ATP9A: variants seen among roughly 807,000 people sequenced by gnomAD.
ATP9A encodes ATPase phospholipid transporting 9A.
A neutral mutation model predicts 144.1 loss-of-function variants in ATP9A; 52 were observed. The observed-to-expected ratio is 0.36, with a 90% CI of 0.29 to 0.45. The LOEUF (loss-of-function observed/expected upper bound fraction) is 0.45, where lower values mean the gene tolerates loss of function less well. Among genes scored for constraint, ATP9A ranks in the 20% least tolerant of loss-of-function variants. ATP9A has a pLI of 1.00. For synonymous variants in ATP9A, 582 were observed against 557.4 expected (o/e 1.04, Z -0.62); for missense variants, 947 against 1,392.7 (o/e 0.68, Z 5.09).
chr20:51,703,880 A>T (rs528708821), intron 4 of ATP9A, among the ~76,000 whole-genome samples: 14 of 151,776 alleles, frequency 9.2e-5, no homozygotes, highest in Non-Finnish European at 7.4e-5. Context: ...TCTAACAACA[A>T]TCTCCATGCA....
chr20:51,750,943 T>C (rs1246862294), intron 1 of ATP9A, among the ~76,000 whole-genome samples: 1 of 152,168 alleles, frequency 6.6e-6, no homozygotes, highest in African/African-American at 2.4e-5. Context: ...CTGGCACTGC[T>C]ATGGGAGCGT....
In ATP9A at chr20:51,688,090, C is replaced by T. The variant is rs191358833; in HGVS notation, c.799+974G>A. Reference sequence around the variant, plus strand: ...GAGCAAGTTACTTAACCTCACTCAGCCTCCGTTCCGTCATCTGCAGAATGA... The same window carrying T: ...GAGCAAGTTACTTAACCTCACTCAGTCTCCGTTCCGTCATCTGCAGAATGA... On this transcript the variant is annotated intron_variant, in intron 9 of 27. Coordinates refer to ENST00000338821, the MANE Select transcript of ATP9A (RefSeq NM_006045.3). Among the ~76,000 whole-genome samples, 544 of 152,304 alleles carry T rather than the reference C, an allele frequency of 3.6e-3. 2 individuals are homozygous for T. The highest frequency in any genetic ancestry group is 0.012 in the African/African-American group (517 of 41,564).
At chr20:51,702,700 G>T (rs140908250) in intron 4 of ATP9A, among the ~76,000 whole-genome samples, 1 of 152,124 alleles carries the variant, frequency 6.6e-6, no homozygotes, top group African/African-American at 2.4e-5. Flanking sequence ...CGGTAAGGGT[G>T]TGGAAAGGGC....
chr20:51,710,380 T>C (rs966941562), intron 4 of ATP9A, among the ~76,000 whole-genome samples: 2 of 152,234 alleles, frequency 1.3e-5, no homozygotes, highest in African/African-American at 4.8e-5. Context: ...TTATTTCATT[T>C]TGCTTTGGAA....
intron 13 of ATP9A, among the ~76,000 whole-genome samples, chr20:51,665,547 C>T (rs1049503899): frequency 6.6e-6 from 1 of 151,808 alleles, no homozygotes; most frequent in African/African-American, 2.4e-5. Flanking sequence ...GGTGAAACCC[C>T]GTCTCTACCA....
At chr20:51,614,029 C>G (rs1430100190) in intron 22 of ATP9A, among the ~76,000 whole-genome samples, 197 bp from the exon 23 acceptor site, 2 of 152,200 alleles carry the variant, frequency 1.3e-5, no homozygotes, top group Non-Finnish European at 2.9e-5. Flanking sequence ...TAAATAAAAA[C>G]CATTCCGAAT....
At chr20:51,616,299 A>T (rs1278924622) in intron 22 of ATP9A, among the ~76,000 whole-genome samples, 1 of 151,984 alleles carries the variant, frequency 6.6e-6, no homozygotes, top group East Asian at 1.9e-4. Context: ...GGGCCTTGGC[A>T]CTCCTATACT....
chr20:51,623,767 GAC>G (rs1239269175), intron 18 of ATP9A, among the ~76,000 whole-genome samples: 6 of 136,454 alleles, frequency 4.4e-5, no homozygotes, highest in African/African-American at 1.7e-4. Flanking sequence ...CAGCCTGGGC[GAC>G]AGAGTGAAAC....
At chr20:51,668,460 C>A (rs2077443002) in intron 13 of ATP9A, among the ~76,000 whole-genome samples, 1 of 152,002 alleles carries the variant, frequency 6.6e-6, no homozygotes, top group Admixed American at 6.6e-5. Flanking sequence ...GAGATGGAGA[C>A]AGAGCCATCA....
At chr20:51,757,574 T>C (rs2077861909) in intron 1 of ATP9A, among the ~76,000 whole-genome samples, 1 of 152,140 alleles carries the variant, frequency 6.6e-6, no homozygotes, top group South Asian at 2.1e-4. Flanking sequence ...CTTCCAACTG[T>C]CTTCCCCCAG....
chr20:51,694,201 C>A, intron 6 of ATP9A, 99 bp from the exon 7 acceptor site: 2 of 802,412 alleles, frequency 2.5e-6, no homozygotes, highest in Non-Finnish European at 4.1e-6. Flanking sequence ...AACAGCCAAC[C>A]AATGGCCAGC....
At chr20:51,659,990 T>C (rs934714777) in intron 13 of ATP9A, among the ~76,000 whole-genome samples, 15 of 152,186 alleles carry the variant, frequency 9.9e-5, no homozygotes, top group African/African-American at 3.4e-4. Flanking sequence ...ATTTGCCGAG[T>C]GCTTTTAATT....
intron 4 of ATP9A, among the ~76,000 whole-genome samples, chr20:51,709,187 A>G (rs1275186786): frequency 6.6e-6 from 1 of 152,154 alleles, no homozygotes; most frequent in Non-Finnish European, 1.5e-5. Flanking sequence ...ATATACCTAT[A>G]TGTATATGGA....
At chr20:51,645,806 C>T (rs1330268800) in intron 14 of ATP9A, among the ~76,000 whole-genome samples, 3 of 152,128 alleles carry the variant, frequency 2.0e-5, no homozygotes, top group Non-Finnish European at 4.4e-5. Flanking sequence ...AACTGCATTC[C>T]CTCCCAAAAC....
chr20:51,604,445 C>T (rs944500867), intron 27 of ATP9A, among the ~76,000 whole-genome samples: 7 of 152,206 alleles, frequency 4.6e-5, no homozygotes, highest in African/African-American at 1.7e-4. Flanking sequence ...CCTCCCAGCA[C>T]TGCCACTTTG....
intron 3 of ATP9A, among the ~76,000 whole-genome samples, chr20:51,718,162 G>A (rs1239780805): frequency 6.6e-6 from 1 of 152,126 alleles, no homozygotes; most frequent in Non-Finnish European, 1.5e-5. Context: ...GGGAGACGGA[G>A]AGACACATGG....
intron 24 of ATP9A, among the ~76,000 whole-genome samples, chr20:51,609,604 C>T (rs62228299): frequency 0.084 from 12,736 of 152,200 alleles, 717 homozygotes; most frequent in South Asian, 0.22. Context: ...CCAAGTGACA[C>T]CATCTCTGTC....
In ATP9A at chr20:51,676,510, C is replaced by T. The variant is rs1255466103; in HGVS notation, c.800-302G>A. On this transcript the variant is annotated intron_variant, in intron 9 of 27. Coordinates refer to ENST00000338821, the MANE Select transcript of ATP9A (RefSeq NM_006045.3). ...TGTTTTGTTTTGAGGCGGAGTTTTA[C>T]TCTTGTTCCCCAGGCTGGAATGCAA... 4.6e-5 allele frequency among the ~76,000 whole-genome samples: 7 copies of T among 152,084 alleles called. No homozygotes were observed. In the East Asian group the frequency reaches 1.3e-3, roughly 29 times the overall value.
In ATP9A at chr20:51,636,821, C is replaced by T. The variant is rs866802916; in HGVS notation, c.1668+2522G>A. Among the ~76,000 whole-genome samples, 4 of 152,312 alleles carry T rather than the reference C, an allele frequency of 2.6e-5. No homozygotes were observed. In the South Asian group the frequency reaches 6.2e-4, roughly 24 times the overall value. On this transcript the variant is annotated intron_variant, in intron 15 of 27. Coordinates refer to ENST00000338821, the MANE Select transcript of ATP9A (RefSeq NM_006045.3). The stretch of plus-strand genomic sequence containing the variant: ...GAACAGCCTCTGGCACACAATAAGC[C>T]CCTGGGCGGGGTAATCCCAACACTT...
Sources: gnomAD v4.1 joint callset for allele counts (sites outside exome capture counted in the v4.1 genomes callset) on GRCh38, gnomAD v4.1.1 for gene constraint, MANE v1.5 for transcripts, NCBI Gene and HGNC (gene_info 2026-07-23, HGNC 2026-07-21) for gene names.